Variants in JAK1 observed in about 807,000 individuals in gnomAD.
JAK1 encodes the protein tyrosine-protein kinase JAK1.
Under a neutral mutation model 136.6 loss-of-function variants are expected in JAK1, and 16 were observed. That is an observed-to-expected ratio of 0.12 (90% CI 0.08 to 0.18). The LOEUF is 0.18. Among genes scored for constraint, JAK1 ranks in the 10% least tolerant of loss-of-function variants. The probability of loss-of-function intolerance (pLI) is 1.00; values close to 1 mark genes in which losing one functional copy is unlikely to be tolerated. For synonymous variants in JAK1, 492 were observed against 519.5 expected (o/e 0.95, Z 0.72); for missense variants, 859 against 1,450.1 (o/e 0.59, Z 6.62).
At chr1:64,995,573 AG>A (rs1358710635) in intron 2 of JAK1, among the ~76,000 whole-genome samples, 1 of 152,198 alleles carries the variant, frequency 6.6e-6, no homozygotes, top group Non-Finnish European at 1.5e-5. Flanking sequence ...ATACTGAAAG[AG>A]GATAATTTAC....
At chr1:65,064,226 A>G (rs752459774) in intron 1 of JAK1, among the ~76,000 whole-genome samples, 36 of 152,346 alleles carry the variant, frequency 2.4e-4, no homozygotes, top group Non-Finnish European at 5.1e-4. Context: ...CAAGTTATCA[A>G]AGTCTAAAAT....
chr1:64,997,169 T>C (rs1041799493), intron 2 of JAK1, among the ~76,000 whole-genome samples: 4 of 152,202 alleles, frequency 2.6e-5, no homozygotes, highest in African/African-American at 9.6e-5. Flanking sequence ...CGTCAATCTA[T>C]GCCTCAAGTA....
chr1:64,839,795 C>T lies in JAK1; in HGVS notation c.2650G>A (p.Gly884Ser), dbSNP rs2100964251. The part of the protein sequence containing the change: ...FLKRIRDLGE[G>S]HFGKVELCRY... ...CAGAGCTCAACCTTCCCAAAGTGGC[C>T]CTGGAGGGAAAGATGCATGTGCTGT... Residue 884 changes from glycine to serine, a missense_variant and splice_region_variant, in exon 20 of 25, where the codon GGC becomes AGC. Physicochemically the swap from Gly to Ser is moderately conservative, Grantham distance 56. Transcript: ENST00000342505. 1 of 1,602,210 alleles carries T rather than the reference C, an allele frequency of 6.2e-7. No homozygotes were observed. The highest frequency in any genetic ancestry group is 8.5e-7 in the Non-Finnish European group (1 of 1,173,736).
At chr1:64,846,609 C>T (rs767997483) in intron 14 of JAK1, 40 bp downstream of exon 14, 1 of 1,518,686 alleles carries the variant, frequency 6.6e-7, no homozygotes, top group Non-Finnish European at 9.1e-7. Flanking sequence ...CCAAGCTCCC[C>T]AGCCAGGCCA....
intron 2 of JAK1, among the ~76,000 whole-genome samples, chr1:65,022,299 A>AT (rs1177486962): frequency 6.6e-6 from 1 of 152,170 alleles, no homozygotes; most frequent in African/African-American, 2.4e-5. Flanking sequence ...CCACATTGCC[A>AT]TTTTTTTATT....
Position 64,934,153 on chromosome 1 carries a change from C to A in JAK1, c.-78+32180G>T, listed in dbSNP as rs140928224. On this transcript the variant is annotated intron_variant, in intron 1 of 24. Coordinates refer to ENST00000342505, the MANE Select transcript of JAK1 (RefSeq NM_002227.4). ...ATGGAGAGATGTAAAGGACCAAAAG[C>A]AACTCCTGTTCCTGGTCACCAATTG... 1.1e-3 allele frequency among the ~76,000 whole-genome samples: 166 copies of A among 152,244 alleles called. 1 individual carries two copies. Among genetic ancestry groups the A allele is most frequent in the Non-Finnish European group, 1.9e-3 (131 of 68,020 alleles).
chr1:65,005,756 A>C (rs1359904142), intron 2 of JAK1, among the ~76,000 whole-genome samples: 1 of 152,216 alleles, frequency 6.6e-6, no homozygotes, highest in African/African-American at 2.4e-5. Context: ...ATTTGATTGC[A>C]ATTCCAATTA....
At chr1:64,916,474 TAGCATTGA>T (rs1645397780) in intron 1 of JAK1, among the ~76,000 whole-genome samples, 1 of 152,140 alleles carries the variant, frequency 6.6e-6, no homozygotes, top group African/African-American at 2.4e-5. Context: ...AAGGAACACT[TAGCATTGA>T]TAAGCTTTGC....
At chr1:64,879,876 G>A (rs533763446) in intron 3 of JAK1, among the ~76,000 whole-genome samples, 7 of 152,200 alleles carry the variant, frequency 4.6e-5, no homozygotes, top group South Asian at 2.1e-4. Context: ...GAAAGACCAG[G>A]GAGATTATGA....
chr1:65,041,031 C>T (rs745423537), intron 2 of JAK1, among the ~76,000 whole-genome samples: 63 of 152,088 alleles, frequency 4.1e-4, no homozygotes, highest in Admixed American at 2.9e-3. Flanking sequence ...GGTATCATCA[C>T]GGAAAAAGAG....
intron 1 of JAK1, among the ~76,000 whole-genome samples, chr1:64,923,663 A>C (rs1169019497): frequency 6.6e-6 from 1 of 152,192 alleles, no homozygotes; most frequent in East Asian, 1.9e-4. Flanking sequence ...CGAAACCACC[A>C]GCCAAAAACA....
chr1:65,010,780 G>A (rs12139355), intron 2 of JAK1, among the ~76,000 whole-genome samples: 17,835 of 152,110 alleles, frequency 0.12, 1,580 homozygotes, highest in East Asian at 0.28. Context: ...GACCAGCTGG[G>A]CAATATAGTG....
intron 2 of JAK1, chr1:65,003,774 C>T (rs1459472234): frequency 3.3e-5 from 5 of 152,072 alleles, no homozygotes; most frequent in Non-Finnish European, 5.9e-5. Context: ...CTCTGTAAAG[C>T]CTTACTCCAC....
intron 3 of JAK1, 56 bp downstream of exon 3, chr1:64,883,221 C>A: frequency 7.0e-7 from 1 of 1,434,426 alleles, no homozygotes; most frequent in Non-Finnish European, 9.5e-7. Flanking sequence ...ACCCCCAGAT[C>A]TTCTGAACTA....
chr1:65,012,515 G>A (rs1199982719), intron 2 of JAK1, among the ~76,000 whole-genome samples: 5 of 152,076 alleles, frequency 3.3e-5, no homozygotes, highest in East Asian at 1.9e-4. Context: ...AGACAGTAAG[G>A]AATTAGCAGG....
chr1:65,063,804 C>CAAAA (rs370192253), intron 1 of JAK1, among the ~76,000 whole-genome samples: 34 of 80,916 alleles, frequency 4.2e-4, no homozygotes, highest in East Asian at 9.4e-4. Context: ...GACTCTATCT[C>CAAAA]AAAAAAAAAA....
At chr1:64,981,278 T>C (rs1177682072) in intron 2 of JAK1, among the ~76,000 whole-genome samples, 2 of 152,234 alleles carry the variant, frequency 1.3e-5, no homozygotes, top group Non-Finnish European at 2.9e-5. Context: ...ACACAGTATT[T>C]ATTGCCTACA....
intron 1 of JAK1, among the ~76,000 whole-genome samples, chr1:64,891,022 G>A (rs1297406894): frequency 2.6e-5 from 4 of 152,164 alleles, no homozygotes; most frequent in Non-Finnish European, 5.9e-5. Context: ...GCTATTAAGA[G>A]TTAAGTCAGT....
chr1:65,005,097 G>GAAAC (rs577057098), intron 2 of JAK1, among the ~76,000 whole-genome samples: 13 of 152,176 alleles, frequency 8.5e-5, no homozygotes, highest in East Asian at 1.9e-4. Context: ...CTGAACTCAA[G>GAAAC]AAACAAACAA....
Sources: allele counts gnomAD v4.1 joint callset (sites outside exome capture counted in the v4.1 genomes callset), GRCh38; gene constraint gnomAD v4.1.1; transcripts MANE v1.5; gene names NCBI Gene and HGNC (gene_info 2026-07-23, HGNC 2026-07-21).